The following PPIG variants were observed in gnomAD, a reference collection of about 807,000 sequenced individuals.
PPIG encodes the protein peptidylprolyl isomerase G.
Under a neutral mutation model 87.9 loss-of-function variants are expected in PPIG, and 26 were observed. The observed-to-expected ratio is 0.30, with a 90% CI of 0.22 to 0.41. The LOEUF is 0.41. PPIG is among the 10% of genes least tolerant of loss of function. The pLI is 1.00. For synonymous variants in PPIG, 308 were observed against 276.5 expected (o/e 1.11, Z -1.13); for missense variants, 722 against 879.4 (o/e 0.82, Z 2.26).
chr2:169,603,487 T>A (rs532700904), intron 1 of PPIG, among the ~76,000 whole-genome samples, 155 bp from the exon 2 acceptor site: 44 of 10,768 alleles, frequency 4.1e-3, no homozygotes, highest in African/African-American at 0.013. Context: ...CTACCACATA[T>A]ACTATTTAAC....
intron 4 of PPIG, among the ~76,000 whole-genome samples, chr2:169,604,734 T>G (rs1685274646): frequency 6.7e-6 from 1 of 149,278 alleles, no homozygotes. Flanking sequence ...ATTAGCCAAA[T>G]GTGGTGGCGC....
intron 1 of PPIG, among the ~76,000 whole-genome samples, chr2:169,586,224 C>T (rs1401249197): frequency 6.6e-6 from 1 of 152,104 alleles, no homozygotes; most frequent in African/African-American, 2.4e-5. Context: ...TAGTAGGATT[C>T]TGCGCATTTG....
At chr2:169,589,402 C>T (rs1466320066) in intron 1 of PPIG, among the ~76,000 whole-genome samples, 1 of 152,146 alleles carries the variant, frequency 6.6e-6, no homozygotes, top group East Asian at 1.9e-4. Flanking sequence ...TGATGCGGTG[C>T]ATTTTCGTTT....
chr2:169,618,657 T>C (rs1158385809), intron 9 of PPIG, among the ~76,000 whole-genome samples: 1 of 152,200 alleles, frequency 6.6e-6, no homozygotes, highest in Non-Finnish European at 1.5e-5. Context: ...GTTCATAGTA[T>C]TCTCTGATGG....
At chr2:169,610,979 C>T (rs577606220) in intron 7 of PPIG, among the ~76,000 whole-genome samples, 2 of 152,190 alleles carry the variant, frequency 1.3e-5, no homozygotes, top group Admixed American at 1.3e-4. Context: ...GCCGAGGTGG[C>T]GGGTGGATCA....
intron 9 of PPIG, among the ~76,000 whole-genome samples, chr2:169,619,711 T>C (rs758862649): frequency 4.6e-5 from 7 of 152,138 alleles, no homozygotes; most frequent in Non-Finnish European, 1.0e-4. Context: ...ACCAACAGTT[T>C]ACAAGAGTGT....
chr2:169,620,936 G>A (rs1020587936), intron 9 of PPIG, among the ~76,000 whole-genome samples: 1 of 152,036 alleles, frequency 6.6e-6, no homozygotes, highest in Non-Finnish European at 1.5e-5. Context: ...GTTTCTTAGA[G>A]TTAGCACATG....
intron 9 of PPIG, among the ~76,000 whole-genome samples, chr2:169,625,193 T>C (rs1685852773): frequency 6.6e-6 from 1 of 152,224 alleles, no homozygotes; most frequent in Non-Finnish European, 1.5e-5. Context: ...ACAAACTTAT[T>C]CTTCCTGTCT....
intron 11 of PPIG, among the ~76,000 whole-genome samples, chr2:169,632,747 A>AAATAATAAT (rs60752395): frequency 0.032 from 4,789 of 149,488 alleles, 283 homozygotes; most frequent in African/African-American, 0.11. Flanking sequence ...TCCGTCTCAA[A>AAATAATAAT]AATAATAATA....
intron 9 of PPIG, among the ~76,000 whole-genome samples, chr2:169,618,298 A>G (rs918201329): frequency 8.5e-4 from 130 of 152,260 alleles, no homozygotes; most frequent in African/African-American, 2.9e-3. Flanking sequence ...CATCAGGGAT[A>G]TTGGCCTGAA....
chr2:169,606,692 A>G (rs1233371303), intron 5 of PPIG, among the ~76,000 whole-genome samples: 1 of 151,730 alleles, frequency 6.6e-6, no homozygotes, highest in Non-Finnish European at 1.5e-5. Context: ...CACTGCATTC[A>G]TCTCAGTAAT....
chr2:169,631,737 A>C lies in PPIG; in HGVS notation c.762-29A>C, dbSNP rs1248880284. 3 of 1,613,046 alleles carry C rather than the reference A, an allele frequency of 1.9e-6. No homozygotes were observed. In the Admixed American group the frequency reaches 5.0e-5, roughly 27 times the overall value. ...CGTAAGGACATAATAACCAACTGTA[A>C]CTTGTTTTGTGTGTTTCTGTCTGTT... is the stretch of plus-strand genomic sequence containing the variant. On this transcript the variant is annotated intron_variant, in intron 10 of 13. Coordinates refer to ENST00000260970, the MANE Select transcript of PPIG (RefSeq NM_004792.3).
At chr2:169,608,781 T>C in intron 7 of PPIG, 23 bp downstream of exon 7, 1 of 1,546,260 alleles carries the variant, frequency 6.5e-7, no homozygotes, top group South Asian at 1.1e-5. Context: ...TATCTGATGA[T>C]TTAAAACATC....
rs1289850263 is a variant in PPIG at position 169,593,430 on chromosome 2, A to G, written c.-70+8940A>G. The stretch of plus-strand genomic sequence containing the variant: ...AGGCTGGTCATGAACTCCTGACCTC[A>G]GGTGATCTACCCGCCTTGGCCTCCC... On this transcript the variant is annotated intron_variant, in intron 1 of 13. Coordinates refer to ENST00000260970, the MANE Select transcript of PPIG (RefSeq NM_004792.3). Among the ~76,000 whole-genome samples, 8 of 151,930 alleles carry G rather than the reference A, an allele frequency of 5.3e-5. 1 individual carries two copies. The East Asian group carries it at 1.6e-3, about 29-fold the overall frequency.
chr2:169,627,992 G>A (rs772617923), intron 9 of PPIG, among the ~76,000 whole-genome samples: 1 of 151,796 alleles, frequency 6.6e-6, no homozygotes, highest in Non-Finnish European at 1.5e-5. Flanking sequence ...TTTTCCCCCT[G>A]CATATCCCTC....
chr2:169,593,874 C>T (rs1684941132), intron 1 of PPIG, among the ~76,000 whole-genome samples: 1 of 148,666 alleles, frequency 6.7e-6, no homozygotes. Flanking sequence ...CCAGGATGAT[C>T]TCGATCTCCT....
chr2:169,636,365 A>G lies in PPIG; in HGVS notation c.1155-48A>G, dbSNP rs1207758580. 6 of 1,479,530 alleles carry G rather than the reference A, an allele frequency of 4.1e-6. No homozygotes were observed. The African/African-American group carries it at 8.5e-5, about 21-fold the overall frequency. 91.7% of individuals were successfully genotyped at this position (1,479,530 alleles called of 1,614,324 possible). ...TATCATTTTAGCTAATAATATCTAC[A>G]GTTCTTTTCCTAATAACATTTCCCC... On this transcript the variant is annotated intron_variant, in intron 13 of 13. Transcript: ENST00000260970.
In PPIG at chr2:169,637,118, TAGG is replaced by T. The variant is rs748261656; in HGVS notation, c.1866_1868del (p.Arg626del). On this transcript the variant is annotated inframe_deletion, in exon 14 of 14. Transcript: ENST00000260970. Reference sequence around the variant, plus strand: ...CACCAGGAAGATCAAGAAGTAAAGATAGGAGGAGAAGGAGGAGAGACTCACGGA... The same window carrying T: ...CACCAGGAAGATCAAGAAGTAAAGATAGGAGAAGGAGGAGAGACTCACGGA... 10 of 1,611,066 alleles carry T rather than the reference TAGG, an allele frequency of 6.2e-6. No homozygotes were observed. The highest frequency in any genetic ancestry group is 5.4e-5 in the African/African-American group (4 of 74,354).
intron 7 of PPIG, among the ~76,000 whole-genome samples, chr2:169,610,068 A>G (rs1484572042): frequency 6.6e-6 from 1 of 152,166 alleles, no homozygotes; most frequent in Non-Finnish European, 1.5e-5. Flanking sequence ...ATCCTATCTT[A>G]TGGGTATAGG....
Sources: gnomAD v4.1 joint callset for allele counts (sites outside exome capture counted in the v4.1 genomes callset) on GRCh38, gnomAD v4.1.1 for gene constraint, MANE v1.5 for transcripts, NCBI Gene and HGNC (gene_info 2026-07-23, HGNC 2026-07-21) for gene names.